Variants in MAP3K20 observed in about 807,000 individuals in gnomAD.
The protein encoded by MAP3K20 is HCCS-4.
Under a neutral mutation model 85.7 loss-of-function variants are expected in MAP3K20, and 40 were observed. That is an observed-to-expected ratio of 0.47 (90% CI 0.36 to 0.61). The LOEUF is 0.61. MAP3K20 is among the 20% of genes least tolerant of loss of function. The pLI, the probability that MAP3K20 is intolerant of heterozygous loss-of-function variation, is 0.00. For missense variants in MAP3K20, 817 were observed against 961.7 expected (o/e 0.85, Z 1.99); for synonymous variants, 325 against 327.7 (o/e 0.99, Z 0.09).
In MAP3K20 at chr2:173,223,188, G is replaced by T. The variant is rs190954467; in HGVS notation, c.987+5938G>T. 54 of 985,428 alleles carry T rather than the reference G, an allele frequency of 5.5e-5. No homozygotes were observed. In the African/African-American group the frequency reaches 9.1e-4, roughly 17 times the overall value. The allele number at this position is 985,428 out of a possible 1,614,324, so 61.0% of individuals were successfully genotyped here. ...GGAGAAATAACTAGTAGAAAGTTCT[G>T]GGTGTGAGGTGTACAGCAGTCTAGG... On this transcript the variant is annotated intron_variant, in intron 11 of 19. Transcript: ENST00000375213.
chr2:173,240,549 A>G (rs891232389), intron 16 of MAP3K20, among the ~76,000 whole-genome samples: 4 of 152,234 alleles, frequency 2.6e-5, no homozygotes. Context: ...TCAAAAGAAG[A>G]CATACAAATG....
intron 2 of MAP3K20, among the ~76,000 whole-genome samples, chr2:173,138,224 C>T (rs1688855900): frequency 6.6e-6 from 1 of 152,152 alleles, no homozygotes; most frequent in African/African-American, 2.4e-5. Flanking sequence ...CCGCCTCGGC[C>T]TCCCAAAGTG....
chr2:173,203,334 T>C (rs12693018), intron 8 of MAP3K20, among the ~76,000 whole-genome samples: 150,822 of 152,256 alleles, frequency 0.99, 74,716 homozygotes, highest in Middle Eastern at 1. Flanking sequence ...CTGAGAAATG[T>C]AGAGTTTTTA....
intron 16 of MAP3K20, among the ~76,000 whole-genome samples, chr2:173,239,998 A>G (rs181746672): frequency 2.6e-5 from 4 of 152,320 alleles, no homozygotes; most frequent in East Asian, 3.9e-4. Context: ...TGGCCTAGGT[A>G]GCCTGTGAAT....
At chr2:173,203,123 C>T (rs915718734) in intron 8 of MAP3K20, among the ~76,000 whole-genome samples, 1 of 152,124 alleles carries the variant, frequency 6.6e-6, no homozygotes, top group Non-Finnish European at 1.5e-5. Context: ...AAGTCGGTTG[C>T]AACCCACCAG....
chr2:173,176,859 A>G (rs1690175935), intron 3 of MAP3K20, among the ~76,000 whole-genome samples: 1 of 152,250 alleles, frequency 6.6e-6, no homozygotes, highest in Non-Finnish European at 1.5e-5. Context: ...AGAAAAAGAT[A>G]TGCCATGCAG....
At chr2:173,148,541 T>C (rs1270462202) in intron 2 of MAP3K20, among the ~76,000 whole-genome samples, 1 of 152,164 alleles carries the variant, frequency 6.6e-6, no homozygotes, top group Non-Finnish European at 1.5e-5. Flanking sequence ...TGAGCAGACC[T>C]TCATAAACAC....
At chr2:173,171,560 T>C (rs1012244129) in intron 3 of MAP3K20, among the ~76,000 whole-genome samples, 5 of 152,216 alleles carry the variant, frequency 3.3e-5, no homozygotes, top group African/African-American at 1.2e-4. Flanking sequence ...TAGGAAGATA[T>C]CAAACATTCT....
At chr2:173,147,611 G>A (rs1275535686) in intron 2 of MAP3K20, among the ~76,000 whole-genome samples, 2 of 151,564 alleles carry the variant, frequency 1.3e-5, no homozygotes, top group Non-Finnish European at 1.5e-5. Context: ...TTTTTGAGAC[G>A]GAGTCTCACT....
chr2:173,133,041 T>G (rs555228203), intron 2 of MAP3K20, among the ~76,000 whole-genome samples: 17 of 152,324 alleles, frequency 1.1e-4, no homozygotes, highest in African/African-American at 3.4e-4. Context: ...TTTCTCTACT[T>G]AAGTTGGTGA....
intron 2 of MAP3K20, among the ~76,000 whole-genome samples, chr2:173,153,718 T>C (rs1055213448): frequency 2.0e-5 from 3 of 152,204 alleles, no homozygotes; most frequent in Non-Finnish European, 2.9e-5. Context: ...ATTTCCTAGA[T>C]ACCAAAATCT....
intron 2 of MAP3K20, among the ~76,000 whole-genome samples, chr2:173,099,225 G>C (rs574842535): frequency 4.0e-5 from 6 of 151,690 alleles, no homozygotes; most frequent in African/African-American, 1.5e-4. Context: ...TCAAATTCCA[G>C]CCCCTTCTCA....
intron 1 of MAP3K20, among the ~76,000 whole-genome samples, chr2:173,088,972 C>T (rs941546987): frequency 1.3e-5 from 2 of 152,178 alleles, no homozygotes; most frequent in African/African-American, 2.4e-5. Context: ...TCCTCTTTCT[C>T]GCCTTCTCCC....
At position 173,126,873 on chromosome 2, in the gene MAP3K20, A is replaced by G. The variant is rs1045960447; in HGVS notation, c.159+35683A>G. On this transcript the variant is annotated intron_variant, in intron 2 of 19. Transcript: ENST00000375213. ...TTTAACTCTGACATTGATTTCTGCA[A>G]CATCAAGAAGGTGTGTGTTCCCTGG... Among the ~76,000 whole-genome samples, 11 of 152,334 alleles carry G rather than the reference A, an allele frequency of 7.2e-5. No individual in the cohort carries two copies. The East Asian group carries it at 7.7e-4, about 11-fold the overall frequency.
At chr2:173,157,502 G>C (rs928726126) in intron 2 of MAP3K20, among the ~76,000 whole-genome samples, 3 of 152,110 alleles carry the variant, frequency 2.0e-5, no homozygotes, top group Non-Finnish European at 4.4e-5. Context: ...AGGACTTTCA[G>C]ACTCTTTTAA....
intron 10 of MAP3K20, chr2:173,214,273 G>GACTT (rs1684003751): frequency 6.6e-6 from 1 of 152,204 alleles, no homozygotes; most frequent in East Asian, 1.9e-4. Flanking sequence ...TCCTCCCATT[G>GACTT]ACTTACTAGC....
At chr2:173,163,757 C>T (rs1434593719) in intron 2 of MAP3K20, among the ~76,000 whole-genome samples, 1 of 152,060 alleles carries the variant, frequency 6.6e-6, no homozygotes, top group African/African-American at 2.4e-5. Context: ...TTGGGTTTCC[C>T]CCATTATATT....
chr2:173,131,986 A>C (rs1453738714), intron 2 of MAP3K20, among the ~76,000 whole-genome samples: 1 of 152,160 alleles, frequency 6.6e-6, no homozygotes, highest in African/African-American at 2.4e-5. Flanking sequence ...ATCTCTTATC[A>C]AAAACAAGGT....
At chr2:173,083,452 C>CA (rs1462318472) in intron 1 of MAP3K20, among the ~76,000 whole-genome samples, 3 of 152,138 alleles carry the variant, frequency 2.0e-5, no homozygotes, top group Admixed American at 2.0e-4. Flanking sequence ...CTCCTGGGCT[C>CA]AAGCGATCCT....
Sources: allele counts gnomAD v4.1 joint callset (sites outside exome capture counted in the v4.1 genomes callset), GRCh38; gene constraint gnomAD v4.1.1; transcripts MANE v1.5; gene names NCBI Gene and HGNC (gene_info 2026-07-23, HGNC 2026-07-21).